CD81: variants seen among roughly 807,000 people sequenced by gnomAD.
CD81 encodes CD81 antigen.
Under a neutral mutation model 30.1 loss-of-function variants are expected in CD81, and 10 were observed. The ratio of observed to expected loss-of-function variants is 0.33; its 90% confidence interval spans 0.21 to 0.56. The LOEUF is 0.56. CD81 is among the 20% of genes least tolerant of loss of function. The probability of loss-of-function intolerance (pLI) is 0.89; values close to 1 mark genes in which losing one functional copy is unlikely to be tolerated. For missense variants in CD81, 263 were observed against 308.7 expected (o/e 0.85, Z 1.11); for synonymous variants, 147 against 126.4 (o/e 1.16, Z -1.10).
Position 2,397,021 on chromosome 11 carries a change from C to G in CD81, c.*155C>G. 1.3e-6 allele frequency: 1 copy of G among 752,292 alleles called. No individual in the cohort carries two copies. Among genetic ancestry groups the G allele is most frequent in the South Asian group, 1.6e-5 (1 of 64,184 alleles). The allele number at this position is 752,292 out of a possible 1,614,324, so 46.6% of individuals were successfully genotyped here. ...TTTGGGGTTTTGTTTTTGTTCTGAA[C>G]TTTCCTGTTACCTTTTCAGGGCTGA... On this transcript the variant is annotated 3_prime_UTR_variant, in exon 8 of 8. Coordinates refer to ENST00000263645, the MANE Select transcript of CD81 (RefSeq NM_004356.4).
intron 1 of CD81, among the ~76,000 whole-genome samples, chr11:2,379,554 T>C (rs1186254484): frequency 6.6e-6 from 1 of 151,542 alleles, no homozygotes; most frequent in Non-Finnish European, 1.5e-5. Flanking sequence ...CGGAGGTGGA[T>C]TTTTGCTCTC....
chr11:2,382,414 C>T (rs1849720027), intron 1 of CD81: 1 of 152,254 alleles, frequency 6.6e-6, no homozygotes, highest in Non-Finnish European at 1.5e-5. Context: ...TTGGCCAGAG[C>T]CTGGTGGATC....
chr11:2,380,449 TCACA>T (rs1398336694), intron 1 of CD81, among the ~76,000 whole-genome samples: 1 of 151,996 alleles, frequency 6.6e-6, no homozygotes, highest in Non-Finnish European at 1.5e-5. Flanking sequence ...ACTCCCACCT[TCACA>T]CACACTCACA....
intron 1 of CD81, among the ~76,000 whole-genome samples, chr11:2,384,914 C>T (rs946527319): frequency 6.6e-6 from 1 of 152,132 alleles, no homozygotes; most frequent in Non-Finnish European, 1.5e-5. Flanking sequence ...ACTCAGCAGC[C>T]AGGGCCTTGG....
intron 1 of CD81, among the ~76,000 whole-genome samples, chr11:2,379,526 C>T (rs1849668699): frequency 7.1e-6 from 1 of 140,700 alleles, no homozygotes; most frequent in Admixed American, 7.2e-5. Flanking sequence ...GAAGGGGAGT[C>T]ACGGGAGGGG....
At chr11:2,382,853 C>T (rs754949070) in intron 1 of CD81, among the ~76,000 whole-genome samples, 4 of 152,220 alleles carry the variant, frequency 2.6e-5, no homozygotes. Context: ...CCTGGAGCTC[C>T]TTCCCGAGTG....
At position 2,397,114 on chromosome 11, in the gene CD81, C is replaced by T; in HGVS notation, c.*248C>T. ...TCTTGGGGACTGGAGGGCAGGGGTC[C>T]TTCTGCCCTGGGGTCCCAGGGTGCT... On this transcript the variant is annotated 3_prime_UTR_variant, in exon 8 of 8. Transcript: ENST00000263645. The T allele has an allele frequency of 1.8e-6, 1 of 549,052 alleles. No homozygotes were observed. Among genetic ancestry groups the T allele is most frequent in the Non-Finnish European group, 3.3e-6 (1 of 306,598 alleles). 34.0% of individuals were successfully genotyped at this position (549,052 alleles called of 1,614,324 possible). A position where few individuals can be genotyped will look rare whatever the true frequency, so the allele number is the denominator to read the frequency against.
Position 2,395,974 on chromosome 11 carries a change from C to A in CD81, c.561+4C>A. The A allele has an allele frequency of 6.2e-7, 1 of 1,600,462 alleles. No homozygotes were observed. The highest frequency in any genetic ancestry group is 8.6e-7 in the Non-Finnish European group (1 of 1,169,364). On this transcript the variant is annotated splice_donor_region_variant and intron_variant, in intron 6 of 7. Coordinates refer to ENST00000263645, the MANE Select transcript of CD81 (RefSeq NM_004356.4). Reference sequence around the variant, plus strand: ...CATCATCAGCAACCTCTTCAAGGTGCGCGAGGCCGGTGGGGCCGCGCCTGA... The same window carrying A: ...CATCATCAGCAACCTCTTCAAGGTGAGCGAGGCCGGTGGGGCCGCGCCTGA...
Position 2,390,448 on chromosome 11 carries a change from C to T in CD81, c.103C>T (p.Leu35Phe). ...CGTGATCCTGGGTGTGGCCCTGTGG[C>T]TCCGCCATGACCCGCAGACCACCAA... ...GGVILGVALW[L>F]RHDPQTTNLL... Residue 35 changes from leucine (L) to phenylalanine (F), a missense_variant, in exon 2 of 8, where the codon CTC becomes TTC. This residue lies in a region of CD81 where 84 missense variants were observed against 98.2 expected (regional missense o/e 0.86). Coordinates refer to ENST00000263645, the MANE Select transcript of CD81 (RefSeq NM_004356.4). The T allele has an allele frequency of 6.2e-7, 1 of 1,612,924 alleles. No individual in the cohort carries two copies. The highest frequency in any genetic ancestry group is 8.5e-7 in the Non-Finnish European group (1 of 1,179,984).
At chr11:2,384,957 T>C (rs199571516) in intron 1 of CD81, among the ~76,000 whole-genome samples, 1 of 152,066 alleles carries the variant, frequency 6.6e-6, no homozygotes, top group East Asian at 1.9e-4. Context: ...AAAGCGGGAC[T>C]CTCTTTTAAC....
At chr11:2,384,198 AG>A (rs1849746690) in intron 1 of CD81, among the ~76,000 whole-genome samples, 1 of 152,014 alleles carries the variant, frequency 6.6e-6, no homozygotes, top group Admixed American at 6.5e-5. Context: ...CCTTGCAAGG[AG>A]CCCTCCAGGA....
chr11:2,396,201 G>C lies in CD81; in HGVS notation c.561+231G>C, dbSNP rs1431309332. ...CGGGTGAAGAAGGTGGAGGCTCTGGGGGGTGGGAACTCACCTGCACCCCCA... is the reference window on the plus strand; with the variant it reads ...CGGGTGAAGAAGGTGGAGGCTCTGGCGGGTGGGAACTCACCTGCACCCCCA... On this transcript the variant is annotated intron_variant, in intron 6 of 7. Coordinates refer to ENST00000263645, the MANE Select transcript of CD81 (RefSeq NM_004356.4). 48 of 607,914 alleles carry C rather than the reference G, an allele frequency of 7.9e-5. No homozygotes were observed. The East Asian group carries it at 1.4e-3, about 17-fold the overall frequency. 37.7% of individuals were successfully genotyped at this position (607,914 alleles called of 1,614,324 possible). A position where few individuals can be genotyped will look rare whatever the true frequency, so the allele number is the denominator to read the frequency against.
chr11:2,390,858 C>G (rs938834882), intron 2 of CD81, among the ~76,000 whole-genome samples: 1 of 144,964 alleles, frequency 6.9e-6, no homozygotes, highest in Non-Finnish European at 1.5e-5. Context: ...ACAGAGCAGC[C>G]GAGGCAGCTG....
chr11:2,395,297 GC>G, intron 4 of CD81, 118 bp from the exon 5 acceptor site: 2 of 850,296 alleles, frequency 2.4e-6, no homozygotes. Context: ...CTGGGGTCTA[GC>G]CTCGAAGCCA....
chr11:2,389,647 AGCGACAGC>A (rs1849860209), intron 1 of CD81, among the ~76,000 whole-genome samples: 2 of 152,072 alleles, frequency 1.3e-5, no homozygotes, highest in African/African-American at 4.8e-5. Flanking sequence ...CCAGCTGCTG[AGCGACAGC>A]GCTGGGCCGG....
intron 1 of CD81, among the ~76,000 whole-genome samples, chr11:2,383,924 C>G (rs1187480895): frequency 6.6e-6 from 1 of 152,068 alleles, no homozygotes; most frequent in East Asian, 1.9e-4. Context: ...AGCTCCCACC[C>G]GAAGTTCTGG....
In CD81 at chr11:2,395,457, G is replaced by C. The variant is rs1186343092; in HGVS notation, c.396G>C (p.Gln132His). 6.2e-7 allele frequency: 1 copy of C among 1,612,694 alleles called. No homozygotes were observed. Among genetic ancestry groups the C allele is most frequent in the Non-Finnish European group, 8.5e-7 (1 of 1,179,912 alleles). Residue 132 changes from glutamine (Q) to histidine (H), a missense_variant, in exon 5 of 8, where the codon CAG (glutamine) becomes CAC (histidine). Gln to His is a conservative substitution (Grantham distance 24). Transcript: ENST00000263645. ...AGCAGTTCTATGACCAGGCCCTACA[G>C]CAGGCCGTGGTGGATGATGACGCCA... Reference protein sequence around the residue: ...DVKQFYDQALQQAVVDDDANN... With the variant: ...DVKQFYDQALHQAVVDDDANN...
rs553388820 is a variant in CD81, at chr11:2,395,751, T to C, written c.460-118T>C. The C allele has an allele frequency of 1.0e-4, 81 of 805,912 alleles. No individual in the cohort carries two copies. The African/African-American group carries it at 1.2e-3, about 12-fold the overall frequency. The allele number at this position is 805,912 out of a possible 1,614,324, so 49.9% of individuals were successfully genotyped here. A position where few individuals can be genotyped will look rare whatever the true frequency, so the allele number is the denominator to read the frequency against. ...GCTGAGGAGGAAGAAGGCTGGCCCC[T>C]GGATGCATTCTGCAGTGGGGAGCGC... On this transcript the variant is annotated intron_variant, in intron 5 of 7. Coordinates refer to ENST00000263645, the MANE Select transcript of CD81 (RefSeq NM_004356.4).
At chr11:2,383,333 C>T (rs1273913326) in intron 1 of CD81, among the ~76,000 whole-genome samples, 2 of 152,056 alleles carry the variant, frequency 1.3e-5, no homozygotes, top group African/African-American at 2.4e-5. Flanking sequence ...AGTCTGGCCC[C>T]GTCCCCAACC....
Sources: allele counts gnomAD v4.1 joint callset (sites outside exome capture counted in the v4.1 genomes callset), GRCh38; gene constraint gnomAD v4.1.1; regional missense constraint gnomAD v4.1.1; transcripts MANE v1.5; gene names NCBI Gene and HGNC (gene_info 2026-07-23, HGNC 2026-07-21).